KCND3: variants seen among roughly 807,000 people sequenced by gnomAD.
The protein encoded by KCND3 is A-type voltage-gated potassium channel KCND3.
A neutral mutation model predicts 51.1 loss-of-function variants in KCND3; 9 were observed. The observed-to-expected ratio is 0.18, with a 90% CI of 0.11 to 0.31. KCND3 has a LOEUF of 0.31. Among genes scored for constraint, KCND3 ranks in the 10% least tolerant of loss-of-function variants. KCND3 has a pLI of 1.00. For synonymous variants in KCND3, 349 were observed against 368.0 expected (o/e 0.95, Z 0.59); for missense variants, 526 against 903.8 (o/e 0.58, Z 5.36).
intron 2 of KCND3, among the ~76,000 whole-genome samples, chr1:111,893,890 C>T (rs1359702695): frequency 1.3e-5 from 2 of 152,082 alleles, no homozygotes; most frequent in Admixed American, 1.3e-4. Context: ...GTTTGAGTTC[C>T]CTGCAGTTTG....
At chr1:111,777,948 G>A (rs925671095) in intron 6 of KCND3, among the ~76,000 whole-genome samples, 1 of 152,232 alleles carries the variant, frequency 6.6e-6, no homozygotes, top group Non-Finnish European at 1.5e-5. Flanking sequence ...CCATTGGGAT[G>A]GGGTATAGCT....
intron 2 of KCND3, among the ~76,000 whole-genome samples, chr1:111,864,940 T>C (rs899050985): frequency 2.1e-4 from 32 of 151,930 alleles, no homozygotes; most frequent in African/African-American, 7.5e-4. Flanking sequence ...AATGCTCACA[T>C]ACGAGAGAGG....
At chr1:111,801,809 G>A (rs17028576) in intron 2 of KCND3, among the ~76,000 whole-genome samples, 2,511 of 152,158 alleles carry the variant, frequency 0.017, 65 homozygotes, top group African/African-American at 0.058. Flanking sequence ...CTCATCCTCC[G>A]AGAACCAGAA....
intron 2 of KCND3, among the ~76,000 whole-genome samples, chr1:111,830,095 C>T (rs930156980): frequency 1.3e-5 from 2 of 152,196 alleles, no homozygotes; most frequent in African/African-American, 2.4e-5. Context: ...GATCTATATT[C>T]ATTTATTATC....
chr1:111,973,203 G>A (rs970352982), intron 2 of KCND3, among the ~76,000 whole-genome samples: 1 of 152,202 alleles, frequency 6.6e-6, no homozygotes, highest in Admixed American at 6.5e-5. Flanking sequence ...GAGATGGAAG[G>A]AAAGATGGAG....
chr1:111,927,951 C>G (rs1329097533), intron 2 of KCND3, among the ~76,000 whole-genome samples: 1 of 152,156 alleles, frequency 6.6e-6, no homozygotes, highest in East Asian at 1.9e-4. Context: ...TGGCTCACTC[C>G]CTCAGCATTT....
At chr1:111,813,826 G>A (rs935698485) in intron 2 of KCND3, among the ~76,000 whole-genome samples, 16 of 152,230 alleles carry the variant, frequency 1.1e-4, no homozygotes, top group Admixed American at 7.2e-4. Flanking sequence ...TTATATAGAT[G>A]AGGAAACTGA....
At position 111,984,289 on chromosome 1, in the gene KCND3, T is replaced by C. The variant is rs76884269; in HGVS notation, c.-72-1491A>G. 0.012 allele frequency among the ~76,000 whole-genome samples: 1,779 copies of C among 152,316 alleles called. 71 individuals are homozygous for C. In the East Asian group the frequency reaches 0.13, roughly 11 times the overall value. ...CAGATCTCTACCTCCCTCAAACTCCTGAGCTGCCACTGGACTTTTCTGCTC... is the reference window on the plus strand; with the variant it reads ...CAGATCTCTACCTCCCTCAAACTCCCGAGCTGCCACTGGACTTTTCTGCTC... On this transcript the variant is annotated intron_variant, in intron 1 of 7. Transcript: ENST00000302127.
chr1:111,867,710 C>T (rs983419186), intron 2 of KCND3, among the ~76,000 whole-genome samples: 1 of 152,188 alleles, frequency 6.6e-6, no homozygotes, highest in Non-Finnish European at 1.5e-5. Flanking sequence ...TTTAAAAACT[C>T]TACAGATTTT....
In KCND3 at chr1:111,982,836, C is replaced by G; in HGVS notation, c.-72-38G>C. The G allele has an allele frequency of 7.0e-7, 1 of 1,430,866 alleles. No individual in the cohort carries two copies. Among genetic ancestry groups the G allele is most frequent in the South Asian group, 1.2e-5 (1 of 81,166 alleles). The allele number at this position is 1,430,866 out of a possible 1,614,324, so 88.6% of individuals were successfully genotyped here. A position where few individuals can be genotyped will look rare whatever the true frequency, so the allele number is the denominator to read the frequency against. On this transcript the variant is annotated intron_variant, in intron 1 of 7. Coordinates refer to ENST00000302127, the MANE Select transcript of KCND3 (RefSeq NM_001378969.1). This position sits in a 1 kb window ranked among gnomAD's most constrained non-coding sequence, Gnocchi z 8.5. ...AGGGGAGAGAGAGAAGCGGTGAGTCCATATCGACTGGCAGGTAAGAAATGG... is the reference window on the plus strand; with the variant it reads ...AGGGGAGAGAGAGAAGCGGTGAGTCGATATCGACTGGCAGGTAAGAAATGG...
chr1:111,902,242 C>T (rs1170842013), intron 2 of KCND3, among the ~76,000 whole-genome samples: 1 of 152,162 alleles, frequency 6.6e-6, no homozygotes, highest in Non-Finnish European at 1.5e-5. Flanking sequence ...ACACTTTGTA[C>T]TGCAAGTCAG....
intron 2 of KCND3, among the ~76,000 whole-genome samples, chr1:111,879,887 G>C (rs1669225459): frequency 6.6e-6 from 1 of 152,164 alleles, no homozygotes; most frequent in Non-Finnish European, 1.5e-5. Flanking sequence ...CAGTGATGGT[G>C]TCTGGGTTCA....
rs1297959053 is a variant in KCND3 at position 111,871,015 on chromosome 1, G to GGATCAACT, written c.1107-83917_1107-83910dup. On this transcript the variant is annotated intron_variant, in intron 2 of 7. Coordinates refer to ENST00000302127, the MANE Select transcript of KCND3 (RefSeq NM_001378969.1). ...GAAGAGGAAAGGGCGGGCTCTAGCT[G>GGATCAACT]GATCAACTCTGTGACTGCATGGAGA... Among the ~76,000 whole-genome samples the GGATCAACT allele has an allele frequency of 2.0e-5, 3 of 152,204 alleles. No individual in the cohort carries two copies. In the East Asian group the frequency reaches 5.8e-4, roughly 29 times the overall value.
intron 2 of KCND3, among the ~76,000 whole-genome samples, chr1:111,834,769 T>A (rs1288652167): frequency 6.6e-6 from 1 of 152,208 alleles, no homozygotes; most frequent in Non-Finnish European, 1.5e-5. Context: ...ATTTATTACA[T>A]CTTTTTATAA....
intron 2 of KCND3, among the ~76,000 whole-genome samples, chr1:111,809,764 G>A (rs982478739): frequency 8.5e-5 from 13 of 152,090 alleles, no homozygotes; most frequent in Non-Finnish European, 1.3e-4. Context: ...AATGATAGTC[G>A]TTACATGTCA....
At chr1:111,795,534 A>G (rs920123116) in intron 2 of KCND3, among the ~76,000 whole-genome samples, 2 of 152,244 alleles carry the variant, frequency 1.3e-5, no homozygotes, top group Non-Finnish European at 2.9e-5. Context: ...CGTGCTCAAG[A>G]TCATCGGCTC....
At chr1:111,866,722 A>G (rs1449754997) in intron 2 of KCND3, among the ~76,000 whole-genome samples, 1 of 152,132 alleles carries the variant, frequency 6.6e-6, no homozygotes, top group East Asian at 1.9e-4. Context: ...GCTTGAGGTC[A>G]GGAGTTTGAG....
At chr1:111,844,994 G>A (rs1287255046) in intron 2 of KCND3, among the ~76,000 whole-genome samples, 1 of 152,102 alleles carries the variant, frequency 6.6e-6, no homozygotes, top group Non-Finnish European at 1.5e-5. Flanking sequence ...TGCTGTTATT[G>A]TTCCCCTTTC....
chr1:111,825,202 T>G lies in KCND3; in HGVS notation c.1107-38096A>C, dbSNP rs149652205. Among the ~76,000 whole-genome samples, 73 of 152,288 alleles carry G rather than the reference T, an allele frequency of 4.8e-4. No homozygotes were observed. The East Asian group carries it at 0.01, about 22-fold the overall frequency. On this transcript the variant is annotated intron_variant, in intron 2 of 7. Transcript: ENST00000302127. ...CCACCAGTGATCCAGGGTCCACACT[T>G]TGGGAAGTGGTGGACTAGGCTGGTG...
Sources: gnomAD v4.1 joint callset for allele counts (sites outside exome capture counted in the v4.1 genomes callset) on GRCh38, gnomAD v4.1.1 for gene constraint, Gnocchi (gnomAD v3.1) non-coding constraint, MANE v1.5 for transcripts, NCBI Gene and HGNC (gene_info 2026-07-23, HGNC 2026-07-21) for gene names.